Variants in TNIK observed in about 807,000 individuals in gnomAD.
TNIK encodes TRAF2 and NCK interacting kinase, also known as TRAF2 and NCK-interacting protein kinase.
In TNIK, 49 loss-of-function variants were observed where a neutral mutation model predicts 191.3. The ratio of observed to expected loss-of-function variants is 0.26; its 90% CI spans 0.20 to 0.32. TNIK has a LOEUF of 0.32. TNIK is among the 10% of genes least tolerant of loss of function. The pLI, the probability that TNIK is intolerant of heterozygous loss-of-function variation, is 1.00. For missense variants in TNIK, 1,155 were observed against 1,702.3 expected, an observed-to-expected ratio of 0.68 and a Z score of 5.66; for synonymous variants, 594 against 600.9, an observed-to-expected ratio of 0.99 and a Z score of 0.17.
chr3:171,399,015 A>C (rs962811970), intron 1 of TNIK, among the ~76,000 whole-genome samples: 2 of 152,202 alleles, frequency 1.3e-5, no homozygotes, highest in African/African-American at 4.8e-5. Flanking sequence ...TGTCTTCTAC[A>C]CTGCAAGTGA....
chr3:171,427,785 A>G (rs1410390952), intron 1 of TNIK, among the ~76,000 whole-genome samples: 1 of 152,202 alleles, frequency 6.6e-6, no homozygotes, highest in Non-Finnish European at 1.5e-5. Context: ...GACAGGAATA[A>G]AATACTTAAG....
At chr3:171,139,373 C>T (rs1038045505) in intron 14 of TNIK, 97 bp downstream of exon 14, 25 of 939,356 alleles carry the variant, frequency 2.7e-5, no homozygotes, top group Admixed American at 1.9e-4. Flanking sequence ...GACACACGCA[C>T]GCGCGCACAC....
chr3:171,101,578 C>A lies in TNIK; in HGVS notation c.2462G>T (p.Arg821Leu). 1 of 1,613,178 alleles carries A rather than the reference C, an allele frequency of 6.2e-7. No homozygotes were observed. Among genetic ancestry groups the A allele is most frequent in the Non-Finnish European group, 8.5e-7 (1 of 1,179,468 alleles). The change falls in exon 22 of 33, where the codon CGC becomes CTC. Residue 821 changes from arginine to leucine, a missense_variant. Physicochemically the swap from Arg to Leu is moderately radical, Grantham distance 102. This residue lies in a region of TNIK where 735 missense variants were observed against 848.0 expected (regional missense o/e 0.87). Transcript: ENST00000436636. ...LRELRIEETN[R>L]PMKKVTDYSS... ...GTAATCAGTCACCTTCTTCATTGGG[C>A]GGTTTGTTTCTTCAATCCGGAGTTC...
At chr3:171,454,214 C>T (rs1167494220) in intron 1 of TNIK, among the ~76,000 whole-genome samples, 2 of 152,086 alleles carry the variant, frequency 1.3e-5, no homozygotes, top group Admixed American at 6.6e-5. Flanking sequence ...CTGGGCATGG[C>T]GGCCATGATT....
At chr3:171,231,329 G>GT (rs932327154) in intron 2 of TNIK, among the ~76,000 whole-genome samples, 16 of 139,138 alleles carry the variant, frequency 1.1e-4, no homozygotes, top group African/African-American at 3.0e-4. Flanking sequence ...TTTTTTTTTT[G>GT]TTTTTTTAAG....
chr3:171,419,114 C>T (rs73173658), intron 1 of TNIK, among the ~76,000 whole-genome samples: 2,671 of 152,246 alleles, frequency 0.018, 43 homozygotes, highest in Admixed American at 0.031. Flanking sequence ...CTTCAAAGGG[C>T]CCGTCTCCAA....
intron 23 of TNIK, among the ~76,000 whole-genome samples, chr3:171,088,254 G>A (rs1721619370): frequency 7.7e-6 from 1 of 129,836 alleles, no homozygotes; most frequent in Non-Finnish European, 1.6e-5. Flanking sequence ...TTTTTTTTGA[G>A]ATGGACTCTT....
chr3:171,142,241 G>T (rs149717660), intron 12 of TNIK, among the ~76,000 whole-genome samples: 1 of 152,152 alleles, frequency 6.6e-6, no homozygotes. Flanking sequence ...TTTTCAAAAG[G>T]CCTCCCCATC....
rs567755020 is a variant in TNIK at position 171,460,163 on chromosome 3, C to A, written c.-100G>T. The A allele has an allele frequency of 2.8e-6, 4 of 1,454,504 alleles. No individual in the cohort carries two copies. Among genetic ancestry groups the A allele is most frequent in the African/African-American group, 2.8e-5 (2 of 71,462 alleles). The allele number at this position is 1,454,504 out of a possible 1,614,324, so 90.1% of individuals were successfully genotyped here. A position where few individuals can be genotyped will look rare whatever the true frequency, so the allele number is the denominator to read the frequency against. ...TTCACTCGCGTCCTCATGCGGGTGT[C>A]GCGCCAGAGGCCCCGGGCCCAGCCT... On this transcript the variant is annotated 5_prime_UTR_variant, in exon 1 of 33. Coordinates refer to ENST00000436636, the MANE Select transcript of TNIK (RefSeq NM_015028.4). The surrounding 1 kb of genome is among the most constrained non-coding windows in gnomAD (Gnocchi z 6.8).
intron 12 of TNIK, among the ~76,000 whole-genome samples, chr3:171,145,164 T>G (rs1432343257): frequency 6.6e-6 from 1 of 151,332 alleles, no homozygotes; most frequent in Non-Finnish European, 1.5e-5. Flanking sequence ...TCAGCTCGCT[T>G]CAAGCTCCAC....
At chr3:171,324,360 A>C (rs1430765254) in intron 2 of TNIK, among the ~76,000 whole-genome samples, 1 of 152,128 alleles carries the variant, frequency 6.6e-6, no homozygotes, top group Non-Finnish European at 1.5e-5. Flanking sequence ...TGTTGACTTC[A>C]TAGAGAACTA....
chr3:171,411,927 C>A (rs1722480210), intron 1 of TNIK, among the ~76,000 whole-genome samples: 1 of 152,032 alleles, frequency 6.6e-6, no homozygotes, highest in Non-Finnish European at 1.5e-5. Flanking sequence ...GTGACCAAGC[C>A]CTGTAGGAAC....
rs768379377 is a variant in TNIK, at chr3:171,194,546, G to A, written c.396C>T (p.Tyr132=). ...CTACCCGTAAGATTTCCCTGCAGAT[G>A]TATGCAATCCACTCCTCTTTCAACG... ...GNTLKEEWIA[Y]ICREILRGLS... Residue 132 remains tyrosine (Y), a synonymous_variant, in exon 5 of 33, where the codon TAC becomes TAT. Transcript: ENST00000436636. 9.3e-6 allele frequency: 15 copies of A among 1,613,748 alleles called. No homozygotes were observed. In the South Asian group the frequency reaches 1.1e-4, roughly 12 times the overall value.
chr3:171,083,617 T>A (rs901552437), intron 26 of TNIK, among the ~76,000 whole-genome samples: 1 of 152,226 alleles, frequency 6.6e-6, no homozygotes, highest in Non-Finnish European at 1.5e-5. Flanking sequence ...GGAAAGTTCA[T>A]TAAATTATTT....
chr3:171,311,808 C>T (rs1033209242), intron 2 of TNIK, among the ~76,000 whole-genome samples: 5 of 152,014 alleles, frequency 3.3e-5, no homozygotes, highest in Admixed American at 3.3e-4. Flanking sequence ...GAACAAAACC[C>T]ATCATTAATA....
intron 9 of TNIK, among the ~76,000 whole-genome samples, chr3:171,172,270 C>T (rs891527187): frequency 6.6e-6 from 1 of 152,104 alleles, no homozygotes; most frequent in Non-Finnish European, 1.5e-5. Context: ...CAATGGCGCC[C>T]CCTTTGGTCA....
chr3:171,377,065 T>C (rs894380504), intron 1 of TNIK, among the ~76,000 whole-genome samples: 1 of 152,224 alleles, frequency 6.6e-6, no homozygotes, highest in African/African-American at 2.4e-5. Context: ...CAGCTCCCTG[T>C]GTCAAGCATC....
At chr3:171,118,558 C>A (rs1472447532) in intron 18 of TNIK, among the ~76,000 whole-genome samples, 1 of 152,138 alleles carries the variant, frequency 6.6e-6, no homozygotes, top group Non-Finnish European at 1.5e-5. Context: ...GCTACAGTAA[C>A]CAAAACAGCA....
chr3:171,098,700 G>A (rs1723049658), intron 22 of TNIK, among the ~76,000 whole-genome samples: 1 of 151,928 alleles, frequency 6.6e-6, no homozygotes, highest in Admixed American at 6.6e-5. Context: ...AAAATATATG[G>A]CACAAAATAT....
Sources: allele counts gnomAD v4.1 joint callset (sites outside exome capture counted in the v4.1 genomes callset), GRCh38; gene constraint gnomAD v4.1.1; regional missense constraint gnomAD v4.1.1; non-coding constraint Gnocchi (gnomAD v3.1); transcripts MANE v1.5; gene names NCBI Gene and HGNC (gene_info 2026-07-23, HGNC 2026-07-21).